Variants in RANBP2 observed in about 807,000 individuals in gnomAD.
The protein encoded by RANBP2 is E3 SUMO-protein ligase RanBP2.
A neutral mutation model predicts 303.6 loss-of-function variants in RANBP2; 57 were observed. The ratio of observed to expected loss-of-function variants is 0.19; its 90% CI spans 0.15 to 0.23. RANBP2 has a LOEUF of 0.23. RANBP2 is among the 10% of genes least tolerant of loss of function. The pLI, the probability that RANBP2 is intolerant of heterozygous loss-of-function variation, is 1.00. For missense variants in RANBP2, 3,138 were observed against 3,780.8 expected (o/e 0.83, Z 4.46); for synonymous variants, 1,167 against 1,301.5 (o/e 0.90, Z 2.23).
the RANBP2 span, chr2:109,129,907 C>T: frequency 1.3e-6 from 2 of 1,506,178 alleles, no homozygotes; most frequent in Non-Finnish European, 1.8e-6. Context: ...CGGCATCCGT[C>T]AGCGGCCCCG....
the RANBP2 span, among the ~76,000 whole-genome samples, chr2:109,637,253 C>T: frequency 6.6e-6 from 1 of 152,200 alleles, no homozygotes; most frequent in Admixed American, 6.5e-5. Context: ...TCGCCTCCCA[C>T]CATAGGGCGG....
chr2:109,662,349 C>T, the RANBP2 span, among the ~76,000 whole-genome samples: 6 of 152,188 alleles, frequency 3.9e-5, no homozygotes, highest in East Asian at 1.9e-4. Context: ...TGCAGTGGCG[C>T]GATCTTGGCT....
At chr2:109,347,789 A>G in the RANBP2 span, 1 of 1,613,988 alleles carries the variant, frequency 6.2e-7, no homozygotes, top group East Asian at 2.2e-5. Context: ...GTGGATGAAC[A>G]GTGGTACCAC....
chr2:109,570,424 A>G, the RANBP2 span, among the ~76,000 whole-genome samples: 1 of 152,216 alleles, frequency 6.6e-6, no homozygotes, highest in Non-Finnish European at 1.5e-5. Context: ...AGGATCAAAA[A>G]TATTAGGGGA....
intron 1 of RANBP2, among the ~76,000 whole-genome samples, chr2:108,720,891 C>G (rs1694180621): frequency 6.6e-6 from 1 of 151,980 alleles, no homozygotes; most frequent in African/African-American, 2.4e-5. Context: ...ACTAAAAATA[C>G]AAAAAAAGTT....
the RANBP2 span, among the ~76,000 whole-genome samples, chr2:109,433,208 T>C: frequency 6.6e-6 from 1 of 152,260 alleles, no homozygotes; most frequent in Non-Finnish European, 1.5e-5. Context: ...GTGTGTGCAG[T>C]GTGTGTCATC....
At chr2:109,008,898 CAA>C in the RANBP2 span, among the ~76,000 whole-genome samples, 3 of 122,470 alleles carry the variant, frequency 2.4e-5, no homozygotes, top group Non-Finnish European at 1.7e-5. Context: ...GATTCCATCT[CAA>C]AAAAAAAAAA....
the RANBP2 span, among the ~76,000 whole-genome samples, chr2:109,567,572 A>G: frequency 6.6e-6 from 1 of 152,322 alleles, no homozygotes; most frequent in East Asian, 1.9e-4. Context: ...CAGTCTCACA[A>G]ATCTATCACT....
At chr2:109,110,456 G>A in the RANBP2 span, among the ~76,000 whole-genome samples, 1 of 152,114 alleles carries the variant, frequency 6.6e-6, no homozygotes, top group Non-Finnish European at 1.5e-5. Context: ...AGAAAGGGCT[G>A]GAATATTTGC....
chr2:109,118,644 G>T, the RANBP2 span, among the ~76,000 whole-genome samples: 4 of 151,992 alleles, frequency 2.6e-5, no homozygotes, highest in Non-Finnish European at 5.9e-5. Context: ...TGCAGCTAAT[G>T]CCCTCTTGTG....
At chr2:109,552,932 C>G in the RANBP2 span, 3 of 834,576 alleles carry the variant, frequency 3.6e-6, no homozygotes, top group Non-Finnish European at 1.8e-6. Context: ...GGCTATGATT[C>G]TAAGTCAATA....
At chr2:109,263,058 C>T in the RANBP2 span, among the ~76,000 whole-genome samples, 1 of 152,088 alleles carries the variant, frequency 6.6e-6, no homozygotes, top group Non-Finnish European at 1.5e-5. Flanking sequence ...ATTGGCCAGG[C>T]TGGTCTCGAA....
At chr2:109,718,162 G>A in the RANBP2 span, among the ~76,000 whole-genome samples, 1 of 152,160 alleles carries the variant, frequency 6.6e-6, no homozygotes, top group South Asian at 2.1e-4. Flanking sequence ...AGAGAGTCTG[G>A]TGGTTCCTCA....
At chr2:109,617,264 C>T in the RANBP2 span, 1 of 166,852 alleles carries the variant, frequency 6.0e-6, no homozygotes, top group Admixed American at 6.6e-5. Flanking sequence ...AGTAAATCTA[C>T]CCAATTAAAA....
chr2:109,151,808 T>C, the RANBP2 span, among the ~76,000 whole-genome samples: 2 of 152,246 alleles, frequency 1.3e-5, no homozygotes, highest in Non-Finnish European at 2.9e-5. Context: ...TCTAATAGAT[T>C]TGCATCTGCA....
chr2:108,734,909 T>C (rs1695448221), intron 4 of RANBP2, among the ~76,000 whole-genome samples: 1 of 151,978 alleles, frequency 6.6e-6, no homozygotes, highest in African/African-American at 2.4e-5. Flanking sequence ...AAAAAAAAAT[T>C]AGCCGGGCAC....
At chr2:108,758,138 A>T (rs1244562620) in intron 17 of RANBP2, among the ~76,000 whole-genome samples, 1 of 152,026 alleles carries the variant, frequency 6.6e-6, no homozygotes. Context: ...CTCTACTATT[A>T]CACAAAAAAT....
chr2:109,612,937 G>T, the RANBP2 span, among the ~76,000 whole-genome samples: 1 of 152,226 alleles, frequency 6.6e-6, no homozygotes, highest in Non-Finnish European at 1.5e-5. Context: ...AACTTCTCAT[G>T]TAGGAGGTTG....
the RANBP2 span, among the ~76,000 whole-genome samples, chr2:109,497,183 T>C: frequency 6.6e-6 from 1 of 152,194 alleles, no homozygotes; most frequent in East Asian, 1.9e-4. Context: ...AACTAATATG[T>C]GTGTTGATAT....
Sources: gnomAD v4.1 joint callset for allele counts (sites outside exome capture counted in the v4.1 genomes callset) on GRCh38, gnomAD v4.1.1 for gene constraint, MANE v1.5 for transcripts, NCBI Gene and HGNC (gene_info 2026-07-23, HGNC 2026-07-21) for gene names.